LHFPL3: variants seen among roughly 807,000 people sequenced by gnomAD.
LHFPL3 encodes LHFPL tetraspan subfamily member 3.
LHFPL3 carries 5 observed loss-of-function variants against 19.3 expected under a neutral mutation model. That is an observed-to-expected ratio of 0.26 (90% CI 0.14 to 0.54). The LOEUF is 0.54. LHFPL3 is among the 20% of genes least tolerant of loss of function. The probability of loss-of-function intolerance (pLI) is 0.94; values close to 1 mark genes in which losing one functional copy is unlikely to be tolerated. For synonymous variants in LHFPL3, 133 were observed against 126.2 expected (o/e 1.05, Z -0.36); for missense variants, 249 against 307.4 (o/e 0.81, Z 1.42).
intron 1 of LHFPL3, among the ~76,000 whole-genome samples, chr7:104,509,594 T>G (rs550470637): frequency 3.9e-5 from 6 of 151,930 alleles, no homozygotes; most frequent in African/African-American, 1.4e-4. Context: ...CTCAACGTGA[T>G]AAAAAACAGA....
intron 2 of LHFPL3, among the ~76,000 whole-genome samples, chr7:104,777,450 A>G (rs1426613162): frequency 6.6e-6 from 1 of 152,138 alleles, no homozygotes; most frequent in Non-Finnish European, 1.5e-5. Flanking sequence ...TGATGCTGCT[A>G]GGGTACCCAG....
chr7:104,773,308 G>A (rs1794589071), intron 2 of LHFPL3, among the ~76,000 whole-genome samples: 2 of 152,230 alleles, frequency 1.3e-5, no homozygotes, highest in Middle Eastern at 3.2e-3. Flanking sequence ...GATGGAGGAA[G>A]GACTTCCTGT....
rs1183733733 is a variant in LHFPL3 at position 104,332,223 on chromosome 7, C to CTTTTTTTTTT, written c.445+3014_445+3023dup. The stretch of plus-strand genomic sequence containing the variant: ...TAGAATATAAAATCCTATTTCTTTT[C>CTTTTTTTTTT]TTTTTTTTTTTTTTTTTTTTTTTTG... On this transcript the variant is annotated intron_variant, in intron 1 of 2. Transcript: ENST00000424859. Among the ~76,000 whole-genome samples, 39 of 63,940 alleles carry CTTTTTTTTTT rather than the reference C, an allele frequency of 6.1e-4. 1 individual carries two copies. The highest frequency in any genetic ancestry group is 7.1e-4 in the Non-Finnish European group (27 of 37,966). 41.9% of individuals were successfully genotyped at this position (63,940 alleles called of 152,430 possible).
chr7:104,345,005 A>T (rs1244525907), intron 1 of LHFPL3, among the ~76,000 whole-genome samples: 3 of 152,194 alleles, frequency 2.0e-5, no homozygotes, highest in Non-Finnish European at 4.4e-5. Context: ...TGGAACGTTT[A>T]ATAGAGTTAT....
intron 1 of LHFPL3, among the ~76,000 whole-genome samples, chr7:104,392,580 T>A (rs945208236): frequency 6.6e-6 from 1 of 152,174 alleles, no homozygotes; most frequent in African/African-American, 2.4e-5. Flanking sequence ...CTGCTGGATT[T>A]GGTTTGCCAG....
At chr7:104,495,334 A>G (rs1166712697) in intron 1 of LHFPL3, among the ~76,000 whole-genome samples, 1 of 152,178 alleles carries the variant, frequency 6.6e-6, no homozygotes, top group Non-Finnish European at 1.5e-5. Context: ...TAGCCTCCCA[A>G]GTAGCTAGGA....
At chr7:104,847,827 T>C (rs1255935247) in intron 2 of LHFPL3, among the ~76,000 whole-genome samples, 2 of 152,254 alleles carry the variant, frequency 1.3e-5, no homozygotes, top group Admixed American at 6.5e-5. Context: ...GAATCTTTTT[T>C]AGAGAGCAAA....
chr7:104,600,813 T>C (rs1266207610), intron 1 of LHFPL3, among the ~76,000 whole-genome samples: 1 of 152,174 alleles, frequency 6.6e-6, no homozygotes, highest in East Asian at 1.9e-4. Flanking sequence ...ATAAGGAGAC[T>C]GAGGTGCATG....
chr7:104,333,725 T>C (rs1479093066), intron 1 of LHFPL3, among the ~76,000 whole-genome samples: 1 of 152,268 alleles, frequency 6.6e-6, no homozygotes, highest in Admixed American at 6.5e-5. Flanking sequence ...TATACCATCC[T>C]ATCTTGTGGC....
chr7:104,412,797 G>C (rs1272937250), intron 1 of LHFPL3, among the ~76,000 whole-genome samples: 1 of 152,000 alleles, frequency 6.6e-6, no homozygotes, highest in African/African-American at 2.4e-5. Context: ...AGATCGTTGA[G>C]ATCCCAGGTT....
intron 2 of LHFPL3, among the ~76,000 whole-genome samples, chr7:104,778,659 C>T (rs147507637): frequency 5.0e-4 from 76 of 152,352 alleles, no homozygotes; most frequent in African/African-American, 1.7e-3. Context: ...ACTTTCCCCT[C>T]GCACTATCAT....
intron 2 of LHFPL3, among the ~76,000 whole-genome samples, chr7:104,835,461 TC>T (rs201217256): frequency 0.25 from 38,706 of 151,800 alleles, 5,474 homozygotes; most frequent in Non-Finnish European, 0.31. Flanking sequence ...GGAGTGGCAG[TC>T]ACTCCTTCAT....
chr7:104,777,468 G>T (rs1231586408), intron 2 of LHFPL3, among the ~76,000 whole-genome samples: 1 of 152,234 alleles, frequency 6.6e-6, no homozygotes, highest in African/African-American at 2.4e-5. Flanking sequence ...CAGCTCTCAG[G>T]CAATGCTGTC....
At chr7:104,462,229 T>C (rs1792680012) in intron 1 of LHFPL3, among the ~76,000 whole-genome samples, 1 of 152,184 alleles carries the variant, frequency 6.6e-6, no homozygotes, top group South Asian at 2.1e-4. Context: ...GTGATGCCCT[T>C]TATTTCTTTT....
At chr7:104,623,688 A>G (rs1260264961) in intron 1 of LHFPL3, among the ~76,000 whole-genome samples, 2 of 124,554 alleles carry the variant, frequency 1.6e-5, no homozygotes, top group East Asian at 2.3e-4. Context: ...TTCAAACATA[A>G]CTACCATGCT....
chr7:104,568,747 A>C (rs558038781), intron 1 of LHFPL3, among the ~76,000 whole-genome samples: 2 of 152,278 alleles, frequency 1.3e-5, no homozygotes, highest in South Asian at 4.1e-4. Flanking sequence ...GACATGGCGC[A>C]GAGTGTATTC....
chr7:104,394,196 T>C (rs921655592), intron 1 of LHFPL3, among the ~76,000 whole-genome samples: 2 of 152,230 alleles, frequency 1.3e-5, no homozygotes, highest in African/African-American at 4.8e-5. Flanking sequence ...GACTTTACTG[T>C]ACATCAGATC....
intron 1 of LHFPL3, among the ~76,000 whole-genome samples, chr7:104,589,593 C>A (rs1053861795): frequency 6.6e-6 from 1 of 151,974 alleles, no homozygotes; most frequent in Non-Finnish European, 1.5e-5. Context: ...TGTGTCTCTG[C>A]CGGGCTTTGA....
intron 1 of LHFPL3, among the ~76,000 whole-genome samples, chr7:104,513,956 G>A (rs1029072033): frequency 7.4e-6 from 1 of 135,690 alleles, no homozygotes; most frequent in Admixed American, 7.1e-5. Flanking sequence ...CAAGGTCAAG[G>A]TGTGTGTGTG....
Sources: gnomAD v4.1 joint callset for allele counts (sites outside exome capture counted in the v4.1 genomes callset) on GRCh38, gnomAD v4.1.1 for gene constraint, MANE v1.5 for transcripts, NCBI Gene and HGNC (gene_info 2026-07-23, HGNC 2026-07-21) for gene names.